SLC35E2B: variants seen among roughly 807,000 people sequenced by gnomAD.
SLC35E2B encodes the protein solute carrier family 35, member E2B.
A neutral mutation model predicts 32.4 loss-of-function variants in SLC35E2B; 18 were observed. The observed-to-expected ratio is 0.56, with a 90% CI of 0.38 to 0.82. The LOEUF is 0.82. SLC35E2B is among the 40% of genes least tolerant of loss of function. The pLI is 0.00. For missense variants in SLC35E2B, 263 were observed against 469.5 expected, an observed-to-expected ratio of 0.56 and a Z score of 4.06; for synonymous variants, 132 against 209.1, an observed-to-expected ratio of 0.63 and a Z score of 3.18.
intron 5 of SLC35E2B, chr1:1,673,366 G>C: frequency 2.2e-6 from 1 of 451,742 alleles, no homozygotes; most frequent in Non-Finnish European, 4.5e-6. Flanking sequence ...ACTGAAGTTG[G>C]TGGTGGTGAG....
At chr1:1,682,011 A>G (rs1643903897) in intron 2 of SLC35E2B, among the ~76,000 whole-genome samples, 1 of 65,436 alleles carries the variant, frequency 1.5e-5, no homozygotes, top group Non-Finnish European at 2.6e-5. Flanking sequence ...AAAAAAAAAA[A>G]AAAAAAAAAA....
At chr1:1,673,549 T>C (rs1427840926) in intron 5 of SLC35E2B, 1 of 206,208 alleles carries the variant, frequency 4.8e-6, no homozygotes, top group African/African-American at 2.4e-5. Flanking sequence ...ATGCCTGTAA[T>C]CCCAGCTACT....
At chr1:1,670,858 C>G (rs936045345) in intron 6 of SLC35E2B, 3 of 152,218 alleles carry the variant, frequency 2.0e-5, no homozygotes, top group African/African-American at 7.2e-5. Context: ...AGCCTAGAAG[C>G]CGGTCATTCT....
rs186465849 is a variant in SLC35E2B at position 1,663,811 on chromosome 1, T to G, written c.*1971A>C. 9 of 907,340 alleles carry G rather than the reference T, an allele frequency of 9.9e-6. 1 individual carries two copies. Among genetic ancestry groups the G allele is most frequent in the Non-Finnish European group, 1.1e-5 (8 of 759,882 alleles). The allele number at this position is 907,340 out of a possible 1,614,324, so 56.2% of individuals were successfully genotyped here. A position where few individuals can be genotyped will look rare whatever the true frequency, so the allele number is the denominator to read the frequency against. ...GAAAGCAGAAAAAAAGAAATGGAAA[T>G]CCGGGGAAAGTCACGTGACAAAACA... On this transcript the variant is annotated 3_prime_UTR_variant, in exon 10 of 10. Coordinates refer to ENST00000617444, the MANE Select transcript of SLC35E2B (RefSeq NM_001290264.2).
At chr1:1,687,061 C>A (rs28463291) in intron 2 of SLC35E2B, among the ~76,000 whole-genome samples, 2 of 151,778 alleles carry the variant, frequency 1.3e-5, no homozygotes, top group Non-Finnish European at 1.5e-5. Context: ...GTCTCAAAAA[C>A]AAATAAATAA....
chr1:1,666,385 A>G (rs943214059), intron 9 of SLC35E2B, among the ~76,000 whole-genome samples: 1 of 152,200 alleles, frequency 6.6e-6, no homozygotes, highest in Non-Finnish European at 1.5e-5. Context: ...AATTCATGAC[A>G]TCCGCCTCAT....
intron 2 of SLC35E2B, among the ~76,000 whole-genome samples, chr1:1,689,842 C>G (rs1360837818): frequency 2.6e-5 from 4 of 150,982 alleles, no homozygotes; most frequent in Non-Finnish European, 5.9e-5. Context: ...CAAAAATTAA[C>G]CAGGTGTGGT....
chr1:1,674,383 C>G (rs1643786532), intron 5 of SLC35E2B: 1 of 152,236 alleles, frequency 6.6e-6, no homozygotes, highest in Non-Finnish European at 1.5e-5. Context: ...TTCTGAATCC[C>G]CAGAGTTCCA....
chr1:1,679,068 G>A (rs1012713718), intron 2 of SLC35E2B, among the ~76,000 whole-genome samples: 9 of 152,104 alleles, frequency 5.9e-5, no homozygotes, highest in Admixed American at 3.9e-4. Flanking sequence ...CTCCCACCTC[G>A]AAGGCTGCCC....
intron 2 of SLC35E2B, among the ~76,000 whole-genome samples, chr1:1,689,455 C>T (rs557811560): frequency 2.0e-5 from 3 of 151,694 alleles, no homozygotes; most frequent in Admixed American, 1.3e-4. Flanking sequence ...GTGAGACACA[C>T]GAAGGAAAGA....
At position 1,663,566 on chromosome 1, in the gene SLC35E2B, G is replaced by A; in HGVS notation, c.*2216C>T. The A allele has an allele frequency of 2.8e-6, 1 of 358,144 alleles. No individual in the cohort carries two copies. The highest frequency in any genetic ancestry group is 3.9e-6 in the Non-Finnish European group (1 of 254,756). 22.2% of individuals were successfully genotyped at this position (358,144 alleles called of 1,614,324 possible). On this transcript the variant is annotated 3_prime_UTR_variant, in exon 10 of 10. Transcript: ENST00000617444. ...GCTCACTGCAACCTCCATCTCCGGG[G>A]TTCAAACAATTCTCCTGCCTCAGCC...
intron 6 of SLC35E2B, 142 bp from the exon 7 acceptor site, chr1:1,670,293 T>C (rs1643653867): frequency 3.1e-6 from 2 of 641,166 alleles, no homozygotes; most frequent in African/African-American, 1.8e-5. Flanking sequence ...GGTTACTTTT[T>C]TTATTTTTAG....
Position 1,675,365 on chromosome 1 carries a change from C to T in SLC35E2B, c.586+98G>A, listed in dbSNP as rs542855043. 4.5e-5 allele frequency: 35 copies of T among 784,584 alleles called. 2 individuals are homozygous for T. The highest frequency in any genetic ancestry group is 4.4e-4 in the African/African-American group (25 of 56,324). The allele number at this position is 784,584 out of a possible 1,614,324, so 48.6% of individuals were successfully genotyped here. On this transcript the variant is annotated intron_variant, in intron 5 of 9. Coordinates refer to ENST00000617444, the MANE Select transcript of SLC35E2B (RefSeq NM_001290264.2). ...TGTGGGCACCACTCTGAGTGGTCCT[C>T]GCGGCAGAGCCCCATGGCAGGCAGC...
rs1026341339 is a variant in SLC35E2B at position 1,681,723 on chromosome 1, C to T, written c.-147-4877G>A. 1.7e-4 allele frequency among the ~76,000 whole-genome samples: 25 copies of T among 150,544 alleles called. 1 individual carries two copies. Among genetic ancestry groups the T allele is most frequent in the East Asian group, 6.0e-4 (3 of 4,984 alleles). On this transcript the variant is annotated intron_variant, in intron 2 of 9. Coordinates refer to ENST00000617444, the MANE Select transcript of SLC35E2B (RefSeq NM_001290264.2). Reference sequence around the variant, plus strand: ...GATTTAGGCCGGGCGTGGTGGCTCACGCCTGTAATCCCAGCACTTTGGGAG... The same window carrying T: ...GATTTAGGCCGGGCGTGGTGGCTCATGCCTGTAATCCCAGCACTTTGGGAG...
At chr1:1,670,060 C>G in intron 7 of SLC35E2B, 38 bp downstream of exon 7, 1 of 1,516,302 alleles carries the variant, frequency 6.6e-7, no homozygotes, top group Non-Finnish European at 9.0e-7. Context: ...TCCTCTTCGT[C>G]TTATGACTTG....
chr1:1,671,069 C>T (rs1184314085), intron 6 of SLC35E2B: 1 of 152,980 alleles, frequency 6.5e-6, no homozygotes, highest in African/African-American at 2.4e-5. Flanking sequence ...GAGTCGGCCT[C>T]TCATCCTTCC....
At chr1:1,677,590 G>A (rs1199114477) in intron 2 of SLC35E2B, among the ~76,000 whole-genome samples, 2 of 150,172 alleles carry the variant, frequency 1.3e-5, no homozygotes, top group Non-Finnish European at 3.0e-5. Context: ...CCATTCTCCT[G>A]CCTCAGGCTC....
Position 1,692,435 on chromosome 1 carries a change from C to G in SLC35E2B, c.-566+14G>C. The G allele has an allele frequency of 1.0e-6, 1 of 990,232 alleles. No homozygotes were observed. Among genetic ancestry groups the G allele is most frequent in the Non-Finnish European group, 1.2e-6 (1 of 834,380 alleles). 61.3% of individuals were successfully genotyped at this position (990,232 alleles called of 1,614,324 possible). A position where few individuals can be genotyped will look rare whatever the true frequency, so the allele number is the denominator to read the frequency against. On this transcript the variant is annotated intron_variant, in intron 1 of 9. Transcript: ENST00000617444. ...ACCGATCACCGAGCAGAGCACCCCG[C>G]ACGCAGAACCCACCGAGAGCCTGAT...
intron 2 of SLC35E2B, among the ~76,000 whole-genome samples, chr1:1,679,700 C>T (rs537727795): frequency 7.9e-5 from 12 of 151,178 alleles, no homozygotes; most frequent in Admixed American, 2.0e-4. Flanking sequence ...GGTGTGGTGG[C>T]TGGCACCTGT....
Sources: gnomAD v4.1 joint callset for allele counts (sites outside exome capture counted in the v4.1 genomes callset) on GRCh38, gnomAD v4.1.1 for gene constraint, MANE v1.5 for transcripts, NCBI Gene and HGNC (gene_info 2026-07-23, HGNC 2026-07-21) for gene names.